Variants in ANKRD30B observed in about 807,000 individuals in gnomAD.
The protein encoded by ANKRD30B is ankyrin repeat domain-containing protein 30B.
Under a neutral mutation model 202.2 loss-of-function variants are expected in ANKRD30B, and 144 were observed. The ratio of observed to expected loss-of-function variants is 0.71; its 90% CI spans 0.62 to 0.82. The LOEUF (loss-of-function observed/expected upper bound fraction) is 0.82. Among genes scored for constraint, ANKRD30B ranks in the 40% least tolerant of loss-of-function variants. The pLI, the probability that ANKRD30B is intolerant of heterozygous loss-of-function variation, is 0.00. For synonymous variants in ANKRD30B, 508 were observed against 561.3 expected (o/e 0.91, Z 1.34); for missense variants, 1,487 against 1,669.1 (o/e 0.89, Z 1.90).
At chr18:14,911,433 G>T in the ANKRD30B span, among the ~76,000 whole-genome samples, 1 of 152,178 alleles carries the variant, frequency 6.6e-6, no homozygotes, top group South Asian at 2.1e-4. Flanking sequence ...TAATTTGATT[G>T]TATATATGTG....
intron 30 of ANKRD30B, chr18:14,816,644 A>G (rs78280134): frequency 3.0e-5 from 4 of 131,698 alleles, no homozygotes; most frequent in African/African-American, 1.4e-4. Flanking sequence ...GACTCTGTGA[A>G]AAAAAAAAAA....
the ANKRD30B span, among the ~76,000 whole-genome samples, chr18:14,913,219 C>T: frequency 1.3e-5 from 2 of 152,178 alleles, no homozygotes; most frequent in South Asian, 2.1e-4. Context: ...CAGCCTACAG[C>T]CTTTTAGTTA....
In ANKRD30B at chr18:14,754,980, GC is replaced by G; in HGVS notation, c.593del (p.Ala198GlufsTer23). 3 of 1,540,402 alleles carry G rather than the reference GC, an allele frequency of 1.9e-6. No individual in the cohort carries two copies. Among genetic ancestry groups the G allele is most frequent in the Non-Finnish European group, 2.6e-6 (3 of 1,142,350 alleles). ...ATTTTTACTAACAAAAAATGCAAAT[GC>G]AAACGCATTTAATGAGTCTAAATGG... is the stretch of plus-strand genomic sequence containing the variant. ...VEFLLTKNAN[A>X]NAFNESKCTA... On this transcript the variant is annotated frameshift_variant, in exon 4 of 44. Transcript: ENST00000690538. LOFTEE classifies it high-confidence loss of function.
At chr18:14,785,815 G>T (rs1173035094) in intron 14 of ANKRD30B, among the ~76,000 whole-genome samples, 1 of 152,060 alleles carries the variant, frequency 6.6e-6, no homozygotes, top group African/African-American at 2.4e-5. Context: ...GAGGCGGGTG[G>T]ATCATGAGGT....
At chr18:14,817,452 A>G (rs964113057) in intron 30 of ANKRD30B, among the ~76,000 whole-genome samples, 2 of 152,160 alleles carry the variant, frequency 1.3e-5, no homozygotes, top group African/African-American at 2.4e-5. Flanking sequence ...GGGTAATCAG[A>G]TCACAATTTA....
chr18:14,782,435 A>G (rs1967807792), intron 11 of ANKRD30B, 92 bp from the exon 12 acceptor site: 3 of 997,944 alleles, frequency 3.0e-6, no homozygotes, highest in Non-Finnish European at 4.4e-6. Flanking sequence ...CTTTGAAGTC[A>G]GAAATTGAGT....
chr18:14,760,194 C>T (rs974830297), intron 5 of ANKRD30B, among the ~76,000 whole-genome samples: 1 of 151,928 alleles, frequency 6.6e-6, no homozygotes, highest in Non-Finnish European at 1.5e-5. Flanking sequence ...CTCTAAAATC[C>T]TCATTTTTAG....
At chr18:14,792,096 C>T (rs771306363) in intron 16 of ANKRD30B, among the ~76,000 whole-genome samples, 27 of 152,076 alleles carry the variant, frequency 1.8e-4, no homozygotes, top group East Asian at 3.9e-4. Flanking sequence ...ATATACACTC[C>T]GTATAGACCA....
At chr18:14,849,454 T>G (rs2143256093) in intron 40 of ANKRD30B, among the ~76,000 whole-genome samples, 1 of 151,948 alleles carries the variant, frequency 6.6e-6, no homozygotes, top group Middle Eastern at 3.4e-3. Context: ...AACTATACAC[T>G]TTTAATCTTA....
chr18:14,798,993 T>C lies in ANKRD30B; in HGVS notation c.2030-108T>C, dbSNP rs1359912933. ...CCCCAAAACCTAGTGTAATCCCTTTTCAATCCAAGCATCATGAGGATTCGT... is the reference window on the plus strand; with the variant it reads ...CCCCAAAACCTAGTGTAATCCCTTTCCAATCCAAGCATCATGAGGATTCGT... On this transcript the variant is annotated intron_variant, in intron 20 of 43. Transcript: ENST00000690538. 6 of 1,182,270 alleles carry C rather than the reference T, an allele frequency of 5.1e-6. No individual in the cohort carries two copies. In the East Asian group the frequency reaches 9.6e-5, roughly 19 times the overall value. 73.2% of individuals were successfully genotyped at this position (1,182,270 alleles called of 1,614,324 possible). A position where few individuals can be genotyped will look rare whatever the true frequency, so the allele number is the denominator to read the frequency against.
chr18:14,783,840 G>A (rs563696134), intron 12 of ANKRD30B, among the ~76,000 whole-genome samples: 17 of 152,092 alleles, frequency 1.1e-4, no homozygotes, highest in Non-Finnish European at 2.4e-4. Flanking sequence ...GGAAAACAGT[G>A]AATATTTATA....
At chr18:14,815,522 G>T (rs1970043710) in intron 30 of ANKRD30B, among the ~76,000 whole-genome samples, 1 of 151,924 alleles carries the variant, frequency 6.6e-6, no homozygotes, top group South Asian at 2.1e-4. Context: ...TTGGATAGAG[G>T]GTCAAAAGGA....
At chr18:14,759,745 A>G (rs899783240) in intron 5 of ANKRD30B, among the ~76,000 whole-genome samples, 34 of 152,220 alleles carry the variant, frequency 2.2e-4, no homozygotes, top group African/African-American at 7.5e-4. Context: ...ATGAATTAAT[A>G]TATTTACAAA....
intron 37 of ANKRD30B, among the ~76,000 whole-genome samples, chr18:14,840,978 C>T (rs1211232396): frequency 1.3e-5 from 2 of 152,170 alleles, no homozygotes; most frequent in Non-Finnish European, 2.9e-5. Context: ...GAACAAGAAG[C>T]AGGTTTACAT....
chr18:14,810,599 C>T (rs1453993294), intron 28 of ANKRD30B, among the ~76,000 whole-genome samples: 1 of 150,972 alleles, frequency 6.6e-6, no homozygotes, highest in African/African-American at 2.5e-5. Flanking sequence ...TAAAGAAAAT[C>T]AGTTTCTTGT....
rs1359312540 is a variant in ANKRD30B, at chr18:14,753,019, A to G, written c.510+7A>G. 2 of 1,566,206 alleles carry G rather than the reference A, an allele frequency of 1.3e-6. No individual in the cohort carries two copies. Among genetic ancestry groups the G allele is most frequent in the Admixed American group, 1.9e-5 (1 of 52,690 alleles). ...CATCGAGGTGCAAAACAAGGTAGAC[A>G]TTAACCAATGTTATTTTCAAAATAT... On this transcript the variant is annotated splice_region_variant and intron_variant, in intron 3 of 43. Transcript: ENST00000690538.
At chr18:14,909,921 G>A in the ANKRD30B span, 1 of 152,036 alleles carries the variant, frequency 6.6e-6, no homozygotes, top group African/African-American at 2.4e-5. Flanking sequence ...CCTGGACCCA[G>A]TAACTTCTCT....
chr18:14,791,283 G>A (rs1041164003), intron 15 of ANKRD30B, 118 bp from the exon 16 acceptor site: 75 of 801,612 alleles, frequency 9.4e-5, no homozygotes, highest in Middle Eastern at 3.4e-4. Flanking sequence ...CTCTTAAGTC[G>A]AATTGTTTGC....
intron 30 of ANKRD30B, among the ~76,000 whole-genome samples, chr18:14,819,793 C>G (rs1298191876): frequency 7.3e-5 from 11 of 151,560 alleles, no homozygotes; most frequent in Admixed American, 2.6e-4. Context: ...AAGTCAGGTA[C>G]TGTGATGCCT....
Sources: gnomAD v4.1 joint callset for allele counts (sites outside exome capture counted in the v4.1 genomes callset) on GRCh38, gnomAD v4.1.1 for gene constraint, MANE v1.5 for transcripts, NCBI Gene and HGNC (gene_info 2026-07-23, HGNC 2026-07-21) for gene names.